Variants in CTIF observed in about 807,000 individuals in gnomAD.
CTIF encodes cap binding complex dependent translation initiation factor, also known as CBP80/20-dependent translation initiation factor.
CTIF carries 21 observed loss-of-function variants against 66.0 expected under a neutral mutation model. The observed-to-expected ratio is 0.32, with a 90% CI of 0.23 to 0.46. The LOEUF is 0.46. Among genes scored for constraint, CTIF ranks in the 20% least tolerant of loss-of-function variants. The pLI is 1.00. For synonymous variants in CTIF, 345 were observed against 326.4 expected, an observed-to-expected ratio of 1.06 and a Z score of -0.62; for missense variants, 739 against 812.7, an observed-to-expected ratio of 0.91 and a Z score of 1.10.
intron 1 of CTIF, chr18:48,566,450 C>A (rs576341654): frequency 2.6e-4 from 39 of 152,378 alleles, no homozygotes; most frequent in African/African-American, 8.9e-4. Context: ...AAGGTAAAAC[C>A]CAAAATAGGT....
chr18:48,751,194 G>A (rs1215949619), intron 7 of CTIF, among the ~76,000 whole-genome samples: 3 of 152,144 alleles, frequency 2.0e-5, no homozygotes, highest in African/African-American at 7.2e-5. Context: ...TGAACTGCCC[G>A]AGTCCAGGGC....
At chr18:48,690,568 G>T (rs2091911658) in intron 6 of CTIF, among the ~76,000 whole-genome samples, 1 of 152,114 alleles carries the variant, frequency 6.6e-6, no homozygotes, top group Non-Finnish European at 1.5e-5. Flanking sequence ...GTACAGAAGG[G>T]CCAGGTCTGT....
chr18:48,804,620 T>A (rs1229409205), intron 9 of CTIF, among the ~76,000 whole-genome samples: 14 of 152,206 alleles, frequency 9.2e-5, no homozygotes, highest in Non-Finnish European at 1.9e-4. Context: ...GCACCTACTT[T>A]GCACCAGATA....
At chr18:48,637,363 C>T (rs2090843137) in intron 3 of CTIF, among the ~76,000 whole-genome samples, 1 of 152,198 alleles carries the variant, frequency 6.6e-6, no homozygotes, top group African/African-American at 2.4e-5. Flanking sequence ...CTATGGTGGT[C>T]CAGCTGTTCT....
intron 1 of CTIF, among the ~76,000 whole-genome samples, chr18:48,558,129 G>A (rs749141154): frequency 6.6e-6 from 1 of 151,994 alleles, no homozygotes; most frequent in South Asian, 2.1e-4. Flanking sequence ...CCCTTTCTGT[G>A]CCTTAAGGAA....
chr18:48,682,330 C>G (rs1199589092), intron 6 of CTIF, among the ~76,000 whole-genome samples: 1 of 152,194 alleles, frequency 6.6e-6, no homozygotes, highest in Non-Finnish European at 1.5e-5. Flanking sequence ...ACCTCTGCAG[C>G]TCTTTGCACA....
At chr18:48,837,412 G>T (rs1287778657) in intron 10 of CTIF, among the ~76,000 whole-genome samples, 1 of 152,020 alleles carries the variant, frequency 6.6e-6, no homozygotes, top group Non-Finnish European at 1.5e-5. Context: ...AATTCTCAGT[G>T]CTGCAGGAAC....
At chr18:48,591,737 C>T (rs1455719126) in intron 1 of CTIF, among the ~76,000 whole-genome samples, 1 of 152,130 alleles carries the variant, frequency 6.6e-6, no homozygotes, top group African/African-American at 2.4e-5. Flanking sequence ...TCTGGTGCTG[C>T]ACTTTTTCTT....
At chr18:48,725,553 A>G (rs11661179) in intron 7 of CTIF, among the ~76,000 whole-genome samples, 42,713 of 151,912 alleles carry the variant, frequency 0.28, 6,787 homozygotes, top group African/African-American at 0.42. Flanking sequence ...GAGAATGAGG[A>G]GGAGCTCCCA....
chr18:48,848,900 A>C (rs1482735754), intron 10 of CTIF, among the ~76,000 whole-genome samples: 3 of 152,252 alleles, frequency 2.0e-5, no homozygotes, highest in African/African-American at 7.2e-5. Flanking sequence ...ACAGGAATGC[A>C]TTCGCTTCCG....
chr18:48,680,723 G>A (rs1276571269), intron 6 of CTIF, among the ~76,000 whole-genome samples: 1 of 152,268 alleles, frequency 6.6e-6, no homozygotes, highest in African/African-American at 2.4e-5. Context: ...CTGGTTGATT[G>A]AGATTGCTTG....
intron 10 of CTIF, among the ~76,000 whole-genome samples, chr18:48,838,719 T>G (rs1599140844): frequency 6.6e-6 from 1 of 152,240 alleles, no homozygotes; most frequent in East Asian, 1.9e-4. Flanking sequence ...CTTCATTTAT[T>G]TGGTGGCCCC....
chr18:48,730,264 C>A (rs542606243), intron 7 of CTIF, among the ~76,000 whole-genome samples: 41 of 141,452 alleles, frequency 2.9e-4, no homozygotes, highest in African/African-American at 9.2e-4. Flanking sequence ...GGGGCCCCCG[C>A]AGTGTGAGGG....
At chr18:48,678,606 TTA>T (rs2091682994) in intron 6 of CTIF, among the ~76,000 whole-genome samples, 1 of 151,548 alleles carries the variant, frequency 6.6e-6, no homozygotes, top group Admixed American at 6.6e-5. Flanking sequence ...TTTTTTTTTT[TTA>T]AAGAACTGAT....
chr18:48,751,954 TTC>T (rs1907862554), intron 7 of CTIF, among the ~76,000 whole-genome samples: 1 of 149,376 alleles, frequency 6.7e-6, no homozygotes, highest in Non-Finnish European at 1.5e-5. Flanking sequence ...TATTCATTCA[TTC>T]ATTCATTCAT....
At chr18:48,687,034 G>A (rs992554046) in intron 6 of CTIF, among the ~76,000 whole-genome samples, 2 of 152,176 alleles carry the variant, frequency 1.3e-5, no homozygotes, top group Admixed American at 1.3e-4. Context: ...CGAGTCAGAA[G>A]TCTAATTTGT....
chr18:48,769,584 C>G (rs1909906268), intron 9 of CTIF, among the ~76,000 whole-genome samples: 4 of 152,244 alleles, frequency 2.6e-5, no homozygotes, highest in Non-Finnish European at 5.9e-5. Context: ...CACAGGAGGC[C>G]AGCAGTCACA....
intron 1 of CTIF, among the ~76,000 whole-genome samples, chr18:48,581,612 G>T (rs1274485114): frequency 3.3e-5 from 5 of 152,132 alleles, no homozygotes; most frequent in Non-Finnish European, 7.3e-5. Context: ...TCTGGGAGAA[G>T]GGTCCCCCCA....
chr18:48,819,416 A>G (rs1380888421), intron 10 of CTIF, among the ~76,000 whole-genome samples: 1 of 152,228 alleles, frequency 6.6e-6, no homozygotes. Context: ...CAGTGACCTG[A>G]ATTGCCCCAA....
Sources: allele counts gnomAD v4.1 joint callset (sites outside exome capture counted in the v4.1 genomes callset), GRCh38; gene constraint gnomAD v4.1.1; transcripts MANE v1.5; gene names NCBI Gene and HGNC (gene_info 2026-07-23, HGNC 2026-07-21).